The following CNTLN variants were observed in gnomAD, a reference collection of about 807,000 sequenced individuals.
The protein encoded by CNTLN is centlein.
Under a neutral mutation model 180.0 loss-of-function variants are expected in CNTLN, and 212 were observed. That is an observed-to-expected ratio of 1.18 (90% confidence interval 1.05 to 1.32). The LOEUF (loss-of-function observed/expected upper bound fraction) is 1.32, where lower values mean the gene tolerates loss of function less well. CNTLN is among the 40% of genes most tolerant of loss of function. The probability of loss-of-function intolerance (pLI) is 0.00; values close to 1 mark genes in which losing one functional copy is unlikely to be tolerated. For synonymous variants in CNTLN, 722 were observed against 563.1 expected, an observed-to-expected ratio of 1.28 and a Z score of -3.99; for missense variants, 2,095 against 1,610.9, an observed-to-expected ratio of 1.30 and a Z score of -5.14.
rs372314101 is a variant in CNTLN, at chr9:17,462,664, T to G, written c.3307-252T>G. On this transcript the variant is annotated intron_variant, in intron 19 of 25. Coordinates refer to ENST00000380647, the MANE Select transcript of CNTLN (RefSeq NM_017738.4). Reference sequence around the variant, plus strand: ...ACTCATATTTCCTGTAAATGTATTTTGGATACATACTCTTTGCAATTCTTA... The same window carrying G: ...ACTCATATTTCCTGTAAATGTATTTGGGATACATACTCTTTGCAATTCTTA... Among the ~76,000 whole-genome samples, 19 of 151,888 alleles carry G rather than the reference T, an allele frequency of 1.3e-4. No individual in the cohort carries two copies. In the East Asian group the frequency reaches 3.3e-3, roughly 26 times the overall value.
intron 5 of CNTLN, among the ~76,000 whole-genome samples, chr9:17,238,932 A>G (rs931603735): frequency 6.6e-6 from 1 of 152,198 alleles, no homozygotes; most frequent in Admixed American, 6.5e-5. Context: ...ACATTCAGAC[A>G]CTTTGAGGAT....
intron 12 of CNTLN, among the ~76,000 whole-genome samples, chr9:17,351,219 T>TG (rs1239561257): frequency 6.6e-6 from 1 of 152,218 alleles, no homozygotes; most frequent in African/African-American, 2.4e-5. Flanking sequence ...TGTTTACTGT[T>TG]GCAGTATTTT....
At chr9:17,460,279 C>G (rs1184046299) in intron 19 of CNTLN, among the ~76,000 whole-genome samples, 1 of 151,650 alleles carries the variant, frequency 6.6e-6, no homozygotes, top group Non-Finnish European at 1.5e-5. Context: ...AATTACTATA[C>G]TATGCAAATT....
At chr9:17,359,594 C>G (rs994329753) in intron 12 of CNTLN, among the ~76,000 whole-genome samples, 6 of 151,084 alleles carry the variant, frequency 4.0e-5, no homozygotes, top group African/African-American at 1.5e-4. Flanking sequence ...CATAAGAGGA[C>G]ATCCAGGCCG....
chr9:17,379,291 C>T (rs1374672798), intron 13 of CNTLN, among the ~76,000 whole-genome samples: 1 of 151,702 alleles, frequency 6.6e-6, no homozygotes, highest in Non-Finnish European at 1.5e-5. Context: ...GGGTAGTTTC[C>T]TTAAATGCAT....
chr9:17,266,171 A>G (rs1227183174), intron 5 of CNTLN, among the ~76,000 whole-genome samples: 1 of 151,944 alleles, frequency 6.6e-6, no homozygotes, highest in African/African-American at 2.4e-5. Flanking sequence ...TCTTTTGGGC[A>G]TTTAGTGCTA....
Position 17,466,885 on chromosome 9 carries a change from T to C in CNTLN, c.3849T>C (p.Phe1283=). 6.2e-7 allele frequency: 1 copy of C among 1,607,606 alleles called. No homozygotes were observed. Among genetic ancestry groups the C allele is most frequent in the Non-Finnish European group, 8.5e-7 (1 of 1,175,996 alleles). The change falls in exon 23 of 26, where the codon TTT becomes TTC. Residue 1283 remains phenylalanine, a synonymous_variant. Coordinates refer to ENST00000380647, the MANE Select transcript of CNTLN (RefSeq NM_017738.4). ...AAAAAGTAGAAGAGTTCACCACATT[T>C]GTGAAGGTTTGAATTACTTGTCGTT... is the stretch of plus-strand genomic sequence containing the variant. ...ANEKVEEFTT[F]VKALAKELQN...
At chr9:17,397,353 G>C (rs577616729) in intron 15 of CNTLN, among the ~76,000 whole-genome samples, 1 of 152,288 alleles carries the variant, frequency 6.6e-6, no homozygotes, top group East Asian at 1.9e-4. Flanking sequence ...GGCTGCGGTT[G>C]CCCATTTTTA....
At chr9:17,513,603 G>T in the CNTLN span, among the ~76,000 whole-genome samples, 1 of 152,034 alleles carries the variant, frequency 6.6e-6, no homozygotes, top group Non-Finnish European at 1.5e-5. Flanking sequence ...AGGTTGAAGC[G>T]GGAGGATAGA....
At chr9:17,501,516 C>T (rs538842952) in intron 25 of CNTLN, among the ~76,000 whole-genome samples, 85 of 152,288 alleles carry the variant, frequency 5.6e-4, no homozygotes, top group Middle Eastern at 3.4e-3. Context: ...GACACCTTAG[C>T]GGAGCATAGC....
At chr9:17,453,833 C>G (rs1335630246) in intron 18 of CNTLN, among the ~76,000 whole-genome samples, 2 of 152,174 alleles carry the variant, frequency 1.3e-5, no homozygotes, top group Admixed American at 1.3e-4. Flanking sequence ...CAACTTACTT[C>G]TTTAAAACCA....
At chr9:17,266,185 A>G (rs1406669972) in intron 5 of CNTLN, among the ~76,000 whole-genome samples, 2 of 152,150 alleles carry the variant, frequency 1.3e-5, no homozygotes, top group East Asian at 3.9e-4. Context: ...AGTGCTATAA[A>G]TTTCCTTCTA....
intron 18 of CNTLN, among the ~76,000 whole-genome samples, chr9:17,432,193 A>G (rs969916929): frequency 6.6e-6 from 1 of 152,152 alleles, no homozygotes; most frequent in African/African-American, 2.4e-5. Context: ...TCAAGGCACT[A>G]AAAAAACAAA....
chr9:17,244,377 A>T (rs1002849922), intron 5 of CNTLN, among the ~76,000 whole-genome samples: 2 of 151,762 alleles, frequency 1.3e-5, no homozygotes, highest in Non-Finnish European at 2.9e-5. Flanking sequence ...ATATCTGGCT[A>T]ATTTTTTGCT....
chr9:17,277,700 A>T (rs1488158850), intron 6 of CNTLN, among the ~76,000 whole-genome samples: 1 of 152,156 alleles, frequency 6.6e-6, no homozygotes, highest in Non-Finnish European at 1.5e-5. Flanking sequence ...CATGGTCAGT[A>T]TATAAAACTT....
chr9:17,154,640 G>T (rs1157815320), intron 2 of CNTLN, among the ~76,000 whole-genome samples: 2 of 152,196 alleles, frequency 1.3e-5, no homozygotes, highest in African/African-American at 2.4e-5. Flanking sequence ...GGGACTTGGA[G>T]AACTTCTCTG....
At chr9:17,338,371 C>G (rs1821218848) in intron 10 of CNTLN, among the ~76,000 whole-genome samples, 1 of 97,324 alleles carries the variant, frequency 1.0e-5, no homozygotes, top group African/African-American at 3.8e-5. Flanking sequence ...TGGGGTTTCA[C>G]TATATTGGCC....
At chr9:17,161,160 C>T (rs1819651780) in intron 2 of CNTLN, among the ~76,000 whole-genome samples, 1 of 151,696 alleles carries the variant, frequency 6.6e-6, no homozygotes, top group Admixed American at 6.6e-5. Flanking sequence ...TTTTGATTTC[C>T]TTAGTAGAAT....
chr9:17,235,121 T>C (rs1174781134), intron 3 of CNTLN, among the ~76,000 whole-genome samples: 1 of 152,166 alleles, frequency 6.6e-6, no homozygotes, highest in Non-Finnish European at 1.5e-5. Context: ...AATTTAGGTA[T>C]CTCACAGGTG....
Sources: gnomAD v4.1 joint callset for allele counts (sites outside exome capture counted in the v4.1 genomes callset) on GRCh38, gnomAD v4.1.1 for gene constraint, MANE v1.5 for transcripts, NCBI Gene and HGNC (gene_info 2026-07-23, HGNC 2026-07-21) for gene names.